The following LIN52 variants were observed in gnomAD, a reference collection of about 807,000 sequenced individuals.
LIN52 encodes the protein lin-52 DREAM MuvB core complex component, also known as protein lin-52 homolog.
Under a neutral mutation model 18.5 loss-of-function variants are expected in LIN52, and 4 were observed. The ratio of observed to expected loss-of-function variants is 0.22; its 90% CI spans 0.11 to 0.49. The LOEUF is 0.49. Among genes scored for constraint, LIN52 ranks in the 20% least tolerant of loss-of-function variants. The pLI, the probability that LIN52 is intolerant of heterozygous loss-of-function variation, is 0.97. For synonymous variants in LIN52, 34 were observed against 45.5 expected, an observed-to-expected ratio of 0.75 and a Z score of 1.02; for missense variants, 102 against 139.5, an observed-to-expected ratio of 0.73 and a Z score of 1.35.
chr14:74,157,973 G>C (rs896096376), intron 5 of LIN52, among the ~76,000 whole-genome samples: 4 of 152,000 alleles, frequency 2.6e-5, no homozygotes, highest in East Asian at 1.9e-4. Flanking sequence ...CAACTTCAGG[G>C]GTATATTGTT....
At chr14:74,176,571 G>A (rs1380885782) in intron 5 of LIN52, among the ~76,000 whole-genome samples, 3 of 152,078 alleles carry the variant, frequency 2.0e-5, no homozygotes, top group Non-Finnish European at 2.9e-5. Context: ...AGCACAGTAG[G>A]TTTGTTGACA....
intron 5 of LIN52, chr14:74,192,635 G>T: frequency 4.1e-6 from 1 of 241,060 alleles, no homozygotes; most frequent in South Asian, 5.0e-5. Context: ...ATAGTTCAGT[G>T]GTGCAGTCTA....
At chr14:74,120,257 A>G (rs1381975917) in intron 5 of LIN52, among the ~76,000 whole-genome samples, 1 of 152,174 alleles carries the variant, frequency 6.6e-6, no homozygotes, top group African/African-American at 2.4e-5. Context: ...TAATTTTCTT[A>G]ATGGTATGTT....
At chr14:74,159,379 A>G (rs1000131454) in intron 5 of LIN52, among the ~76,000 whole-genome samples, 2 of 152,160 alleles carry the variant, frequency 1.3e-5, no homozygotes, top group Admixed American at 1.3e-4. Flanking sequence ...TCAGCAAAAT[A>G]TCTCCTGCCT....
chr14:74,106,437 AT>A (rs2060897688), intron 5 of LIN52, among the ~76,000 whole-genome samples: 1 of 151,878 alleles, frequency 6.6e-6, no homozygotes, highest in African/African-American at 2.4e-5. Flanking sequence ...TATCTGGCTA[AT>A]TTTTTTGATA....
Position 74,199,180 on chromosome 14 carries a change from C to A in LIN52, c.*203C>A, listed in dbSNP as rs2078932534. ...AATCTGCTCTACCCAAGGATCATTGCAGTTACTCAATCAACTTTCAGACTT... is the reference window on the plus strand; with the variant it reads ...AATCTGCTCTACCCAAGGATCATTGAAGTTACTCAATCAACTTTCAGACTT... On this transcript the variant is annotated 3_prime_UTR_variant, in exon 6 of 6. Transcript: ENST00000555028. 2 of 447,086 alleles carry A rather than the reference C, an allele frequency of 4.5e-6. No homozygotes were observed. Among genetic ancestry groups the A allele is most frequent in the Admixed American group, 4.1e-5 (1 of 24,662 alleles). The allele number at this position is 447,086 out of a possible 1,614,324, so 27.7% of individuals were successfully genotyped here.
chr14:74,122,445 G>T (rs2061005564), intron 5 of LIN52, among the ~76,000 whole-genome samples: 1 of 152,162 alleles, frequency 6.6e-6, no homozygotes, highest in Non-Finnish European at 1.5e-5. Context: ...AAGAGTATAT[G>T]ATTATTCATT....
Position 74,199,057 on chromosome 14 carries a change from T to G in LIN52, c.*80T>G. ...GCACCTCTAACAATGCACACCTCAC[T>G]GCTTGCTTGGGAGAGGCCAGAGGGT... On this transcript the variant is annotated 3_prime_UTR_variant, in exon 6 of 6. Coordinates refer to ENST00000555028, the MANE Select transcript of LIN52 (RefSeq NM_001024674.3). The G allele has an allele frequency of 9.8e-7, 1 of 1,016,120 alleles. No homozygotes were observed. Among genetic ancestry groups the G allele is most frequent in the Non-Finnish European group, 1.6e-6 (1 of 644,942 alleles). 62.9% of individuals were successfully genotyped at this position (1,016,120 alleles called of 1,614,324 possible).
chr14:74,152,612 A>G (rs951498975), intron 5 of LIN52, among the ~76,000 whole-genome samples: 3 of 151,716 alleles, frequency 2.0e-5, no homozygotes, highest in Non-Finnish European at 4.4e-5. Context: ...TTAGTTTATT[A>G]TGCTATGCCT....
intron 5 of LIN52, among the ~76,000 whole-genome samples, chr14:74,187,324 GA>G (rs559799179): frequency 3.7e-4 from 56 of 152,106 alleles, no homozygotes; most frequent in Non-Finnish European, 6.0e-4. Context: ...TAACCAAAAA[GA>G]AAGCAAAAAA....
intron 5 of LIN52, among the ~76,000 whole-genome samples, chr14:74,109,089 A>C (rs1360726767): frequency 6.6e-6 from 1 of 152,106 alleles, no homozygotes; most frequent in African/African-American, 2.4e-5. Flanking sequence ...TGAGATAGGG[A>C]TCTAAATTAA....
At chr14:74,184,120 A>G (rs2061331235) in intron 5 of LIN52, among the ~76,000 whole-genome samples, 2 of 152,096 alleles carry the variant, frequency 1.3e-5, no homozygotes, top group African/African-American at 4.8e-5. Flanking sequence ...TCACTCTGTC[A>G]CCCAGGCTGG....
chr14:74,123,024 C>A (rs1468128024), intron 5 of LIN52, among the ~76,000 whole-genome samples: 1 of 152,126 alleles, frequency 6.6e-6, no homozygotes. Flanking sequence ...TTTGATACAG[C>A]CTTATTTATA....
intron 5 of LIN52, among the ~76,000 whole-genome samples, chr14:74,110,301 G>T (rs1595156798): frequency 6.6e-6 from 1 of 152,162 alleles, no homozygotes; most frequent in African/African-American, 2.4e-5. Flanking sequence ...AAGCGGGGAT[G>T]ATTGCTTGAA....
At chr14:74,181,661 A>G (rs1368180044) in intron 5 of LIN52, among the ~76,000 whole-genome samples, 1 of 152,028 alleles carries the variant, frequency 6.6e-6, no homozygotes, top group Non-Finnish European at 1.5e-5. Flanking sequence ...ACAGACTATT[A>G]TACTCAATAT....
intron 3 of LIN52, 94 bp downstream of exon 3, chr14:74,096,079 T>C (rs2060810066): frequency 1.2e-6 from 1 of 852,636 alleles, no homozygotes; most frequent in Non-Finnish European, 1.8e-6. Flanking sequence ...TTATTTTATT[T>C]ATGGCAGAGT....
At chr14:74,184,738 C>T (rs8021337) in intron 5 of LIN52, among the ~76,000 whole-genome samples, 43,264 of 152,048 alleles carry the variant, frequency 0.28, 6,655 homozygotes, top group East Asian at 0.65. Context: ...CTCTTTTCAT[C>T]TGTCAATTTT....
intron 5 of LIN52, among the ~76,000 whole-genome samples, chr14:74,163,847 T>C (rs999358208): frequency 6.6e-6 from 1 of 152,188 alleles, no homozygotes; most frequent in African/African-American, 2.4e-5. Context: ...GATTAAAGTG[T>C]ATTTAGGAGT....
intron 5 of LIN52, among the ~76,000 whole-genome samples, chr14:74,179,293 G>A (rs1200496643): frequency 6.6e-6 from 1 of 151,994 alleles, no homozygotes; most frequent in Non-Finnish European, 1.5e-5. Flanking sequence ...GATTCTCAAG[G>A]TTAAGGACTG....
Sources: allele counts gnomAD v4.1 joint callset (sites outside exome capture counted in the v4.1 genomes callset), GRCh38; gene constraint gnomAD v4.1.1; transcripts MANE v1.5; gene names NCBI Gene and HGNC (gene_info 2026-07-23, HGNC 2026-07-21).